Variants in EML4 observed in about 807,000 individuals in gnomAD.
EML4 encodes echinoderm microtubule-associated protein-like 4.
In EML4, 72 loss-of-function variants were observed where a neutral mutation model predicts 129.0. The observed-to-expected ratio is 0.56, with a 90% confidence interval of 0.46 to 0.68. EML4 has a LOEUF of 0.68. Among genes scored for constraint, EML4 ranks in the 30% least tolerant of loss-of-function variants. EML4 has a pLI of 0.00. For synonymous variants in EML4, 532 were observed against 405.0 expected, an observed-to-expected ratio of 1.31 and a Z score of -3.77; for missense variants, 1,363 against 1,190.6, an observed-to-expected ratio of 1.14 and a Z score of -2.13.
chr2:42,297,870 A>C (rs1668049674), intron 13 of EML4, among the ~76,000 whole-genome samples: 1 of 152,172 alleles, frequency 6.6e-6, no homozygotes, highest in Non-Finnish European at 1.5e-5. Context: ...ACTGTATTTT[A>C]TGTCTTAAAA....
At chr2:42,261,444 T>C (rs964063626) in intron 4 of EML4, 150 bp downstream of exon 4, 1 of 528,532 alleles carries the variant, frequency 1.9e-6, no homozygotes, top group Non-Finnish European at 3.1e-6. Flanking sequence ...ATTTATGCTT[T>C]ATAGCCCATT....
At chr2:42,201,983 T>C (rs2103968497) in intron 1 of EML4, among the ~76,000 whole-genome samples, 1 of 151,950 alleles carries the variant, frequency 6.6e-6, no homozygotes, top group African/African-American at 2.4e-5. Flanking sequence ...CTCAGGAGGC[T>C]GAGGCAGGAG....
chr2:42,199,665 G>GT (rs1320434729), intron 1 of EML4, among the ~76,000 whole-genome samples: 2 of 152,154 alleles, frequency 1.3e-5, no homozygotes, highest in Non-Finnish European at 2.9e-5. Context: ...GTAGACTGAG[G>GT]TTCTGTAAAG....
At chr2:42,265,809 A>G (rs1337099434) in intron 6 of EML4, among the ~76,000 whole-genome samples, 3 of 152,154 alleles carry the variant, frequency 2.0e-5, no homozygotes, top group Non-Finnish European at 2.9e-5. Context: ...TTTCTTTTAT[A>G]TTGATTGTAA....
chr2:42,284,373 A>G (rs1157320105), intron 8 of EML4, among the ~76,000 whole-genome samples: 1 of 152,214 alleles, frequency 6.6e-6, no homozygotes, highest in Non-Finnish European at 1.5e-5. Context: ...GCAAATGAAA[A>G]CAGTTCGTTA....
chr2:42,276,195 G>A (rs1336824375), intron 6 of EML4, among the ~76,000 whole-genome samples: 2 of 152,062 alleles, frequency 1.3e-5, no homozygotes, highest in Non-Finnish European at 2.9e-5. Context: ...CAGGCCAAAG[G>A]TATGTTTTCA....
intron 19 of EML4, among the ~76,000 whole-genome samples, chr2:42,320,388 C>A (rs775239417): frequency 6.6e-6 from 1 of 151,708 alleles, no homozygotes; most frequent in Non-Finnish European, 1.5e-5. Flanking sequence ...AGTTTTGAAC[C>A]CTGGGTACAC....
chr2:42,217,875 G>A (rs1188789554), intron 1 of EML4, among the ~76,000 whole-genome samples: 2 of 152,144 alleles, frequency 1.3e-5, no homozygotes, highest in African/African-American at 4.8e-5. Context: ...GAAGACATGG[G>A]GAATTTGATC....
intron 1 of EML4, among the ~76,000 whole-genome samples, chr2:42,210,108 A>G (rs1672801924): frequency 2.0e-5 from 3 of 152,262 alleles, no homozygotes; most frequent in East Asian, 3.9e-4. Context: ...CCAATAACAC[A>G]TTGTATTAAC....
chr2:42,169,790 T>C, intron 1 of EML4, 154 bp downstream of exon 1: 1 of 750,300 alleles, frequency 1.3e-6, no homozygotes, highest in Non-Finnish European at 2.0e-6. Context: ...CTCCGCGGAC[T>C]CCGGTGGACT....
At chr2:42,206,169 C>T (rs1189290295) in intron 1 of EML4, among the ~76,000 whole-genome samples, 1 of 152,166 alleles carries the variant, frequency 6.6e-6, no homozygotes, top group African/African-American at 2.4e-5. Flanking sequence ...CATTCCCCCC[C>T]TCTGGTCCAA....
At chr2:42,203,317 C>G (rs931254058) in intron 1 of EML4, among the ~76,000 whole-genome samples, 2 of 152,168 alleles carry the variant, frequency 1.3e-5, no homozygotes, top group African/African-American at 4.8e-5. Context: ...CGTAGTTTAT[C>G]TTTCCATCTG....
chr2:42,289,897 A>G (rs1389875063), intron 11 of EML4: 1 of 132,732 alleles, frequency 7.5e-6, no homozygotes, highest in Non-Finnish European at 1.5e-5. Flanking sequence ...GTGAAGCCCC[A>G]TCTCTACTAA....
At chr2:42,250,660 A>G (rs902284301) in intron 2 of EML4, among the ~76,000 whole-genome samples, 7 of 150,660 alleles carry the variant, frequency 4.6e-5, no homozygotes, top group African/African-American at 1.7e-4. Flanking sequence ...TCTAGGCTGT[A>G]TGGCATAGCC....
At chr2:42,292,018 ACT>A (rs1667675981) in intron 11 of EML4, among the ~76,000 whole-genome samples, 1 of 152,114 alleles carries the variant, frequency 6.6e-6, no homozygotes, top group African/African-American at 2.4e-5. Flanking sequence ...AGTAACTGGA[ACT>A]CTCACACAGT....
chr2:42,297,624 T>A (rs560302648), intron 13 of EML4, among the ~76,000 whole-genome samples: 60 of 152,308 alleles, frequency 3.9e-4, no homozygotes, highest in African/African-American at 1.4e-3. Flanking sequence ...GTGAAATAAA[T>A]GGAAGTCCAG....
chr2:42,182,274 C>A (rs1464545325), intron 1 of EML4, among the ~76,000 whole-genome samples: 1 of 151,646 alleles, frequency 6.6e-6, no homozygotes, highest in East Asian at 1.9e-4. Flanking sequence ...CGTCATCTAG[C>A]ATTAGGTATA....
intron 17 of EML4, among the ~76,000 whole-genome samples, chr2:42,313,178 G>T (rs1218805601): frequency 6.6e-6 from 1 of 150,968 alleles, no homozygotes. Context: ...GGATGGTCTC[G>T]ATCTCCTGAC....
At chr2:42,207,966 TTTG>T (rs1178813286) in intron 1 of EML4, 1 of 152,186 alleles carries the variant, frequency 6.6e-6, no homozygotes, top group Non-Finnish European at 1.5e-5. Context: ...AATGGCAGTA[TTTG>T]GATATGAGTA....
Sources: allele counts gnomAD v4.1 joint callset (sites outside exome capture counted in the v4.1 genomes callset), GRCh38; gene constraint gnomAD v4.1.1; transcripts MANE v1.5; gene names NCBI Gene and HGNC (gene_info 2026-07-23, HGNC 2026-07-21).